SATL1: variants seen among roughly 807,000 people sequenced by gnomAD.
SATL1 encodes spermidine/spermine N1-acetyl transferase like 1.
A neutral mutation model predicts 51.8 loss-of-function variants in SATL1; 47 were observed. The observed-to-expected ratio is 0.91, with a 90% confidence interval of 0.72 to 1.16. SATL1 has a LOEUF of 1.16. Among genes scored for constraint, SATL1 ranks in the 50% most tolerant of loss-of-function variants. The probability of loss-of-function intolerance (pLI) is 0.00; values close to 1 mark genes in which losing one functional copy is unlikely to be tolerated. For missense variants in SATL1, 520 were observed against 526.4 expected (o/e 0.99, Z 0.12); for synonymous variants, 176 against 182.4 (o/e 0.97, Z 0.28).
At chrX:85,158,340 G>A (rs1926641289) in intron 2 of SATL1, among the ~76,000 whole-genome samples, 1 of 111,667 alleles carries the variant, frequency 9.0e-6, no homozygotes. Flanking sequence ...TTAGCACAAA[G>A]TAGCTTATAG....
intron 2 of SATL1, among the ~76,000 whole-genome samples, chrX:85,123,471 T>C (rs1000331072): frequency 4.5e-5 from 5 of 112,065 alleles, no homozygotes; most frequent in Non-Finnish European, 7.5e-5. Context: ...TTTTGAAAAG[T>C]GTCTGTTCAT....
chrX:85,105,884 T>C (rs112725669), intron 3 of SATL1, among the ~76,000 whole-genome samples: 2,024 of 112,000 alleles, frequency 0.018, 43 homozygotes, highest in African/African-American at 0.062. Flanking sequence ...CCACAATGAA[T>C]ACTCATTAAA....
chrX:85,208,733 C>CT (rs1339798697), intron 2 of SATL1: 2 of 111,930 alleles, frequency 1.8e-5, no homozygotes, highest in Non-Finnish European at 3.8e-5. Flanking sequence ...CCTTTGCCCA[C>CT]TTTTTGACGG....
At chrX:85,217,867 C>A (rs1009694633) in intron 2 of SATL1, among the ~76,000 whole-genome samples, 3 of 111,923 alleles carry the variant, frequency 2.7e-5, no homozygotes, top group Non-Finnish European at 5.6e-5. Flanking sequence ...TAATCAGAGG[C>A]AGTGCCTGCC....
Position 85,108,649 on chromosome X carries a change from G to A in SATL1, c.320C>T (p.Pro107Leu), listed in dbSNP as rs776430781. The A allele has an allele frequency of 2.5e-6, 3 of 1,200,411 alleles. No individual in the cohort carries two copies. Among genetic ancestry groups the A allele is most frequent in the East Asian group, 6.0e-5 (2 of 33,448 alleles). ...LVLSKAGISQ[P>L]DPSQPGPSQS... ...GCTTGGGCCTGGTTGCGATGGGTCT[G>A]GTTGGCTTATGCCTGCTTTGCTCAG... The change falls in exon 3 of 8, where the codon CCA becomes CTA. Residue 107 changes from proline (P) to leucine (L), a missense_variant. By Grantham distance (98) the Pro-to-Leu change is moderately conservative (BLOSUM62 -3). Around this residue, in one of 3 missense-constraint regions of SATL1, gnomAD observed 488 missense variants for 474.3 expected, o/e 1.03. Coordinates refer to ENST00000644105, the MANE Select transcript of SATL1 (RefSeq NM_001367857.2).
intron 2 of SATL1, among the ~76,000 whole-genome samples, chrX:85,146,358 A>G: frequency 8.9e-6 from 1 of 112,051 alleles, no homozygotes; most frequent in Middle Eastern, 4.6e-3. Context: ...TAACACAAAG[A>G]AAGGATAAAT....
chrX:85,180,050 T>A (rs1447453867), intron 2 of SATL1, among the ~76,000 whole-genome samples: 1 of 110,813 alleles, frequency 9.0e-6, no homozygotes, highest in Non-Finnish European at 1.9e-5. Flanking sequence ...CACAACATCC[T>A]CAAAACTCAT....
chrX:85,236,659 C>G (rs1204034826), intron 1 of SATL1, among the ~76,000 whole-genome samples: 1 of 111,217 alleles, frequency 9.0e-6, no homozygotes, highest in African/African-American at 3.3e-5. Flanking sequence ...TAAAAACCCT[C>G]AAAAAACTGG....
At chrX:85,140,978 C>T (rs1028482540) in intron 2 of SATL1, among the ~76,000 whole-genome samples, 1 of 111,696 alleles carries the variant, frequency 9.0e-6, no homozygotes, top group African/African-American at 3.3e-5. Flanking sequence ...CATTAGTTCA[C>T]TGAGGTTATC....
intron 2 of SATL1, among the ~76,000 whole-genome samples, chrX:85,125,261 C>G (rs888570727): frequency 9.0e-6 from 1 of 110,609 alleles, no homozygotes; most frequent in Non-Finnish European, 1.9e-5. Context: ...ATATACCTAT[C>G]TATTTAGTGA....
intron 2 of SATL1, among the ~76,000 whole-genome samples, chrX:85,149,320 C>T (rs1451577439): frequency 9.0e-6 from 1 of 111,131 alleles, no homozygotes; most frequent in Non-Finnish European, 1.9e-5. Context: ...TAAAGCAAGT[C>T]CTGAGTGACC....
At chrX:85,241,269 T>C (rs770764400) in intron 1 of SATL1, among the ~76,000 whole-genome samples, 29 of 110,552 alleles carry the variant, frequency 2.6e-4, no homozygotes, top group Admixed American at 6.8e-4. Flanking sequence ...CACTGAGGAC[T>C]ACTGGAGAGG....
At chrX:85,207,498 A>C (rs1389174207) in intron 2 of SATL1, 1 of 112,014 alleles carries the variant, frequency 8.9e-6, no homozygotes, top group African/African-American at 3.2e-5. Flanking sequence ...CCCAGCCTGC[A>C]GATGATGTTT....
intron 1 of SATL1, among the ~76,000 whole-genome samples, chrX:85,243,273 T>C (rs1255656049): frequency 8.9e-6 from 1 of 112,744 alleles, no homozygotes; most frequent in Non-Finnish European, 1.9e-5. Flanking sequence ...AGGCAAAACA[T>C]AAGACTCTTT....
intron 2 of SATL1, among the ~76,000 whole-genome samples, chrX:85,147,657 C>T (rs1416172998): frequency 3.6e-5 from 4 of 111,587 alleles, no homozygotes; most frequent in Non-Finnish European, 5.7e-5. Flanking sequence ...GGAGCATTCG[C>T]GATTCACGAA....
At chrX:85,181,254 A>G (rs1254168391) in intron 2 of SATL1, among the ~76,000 whole-genome samples, 1 of 107,895 alleles carries the variant, frequency 9.3e-6, no homozygotes, top group African/African-American at 3.4e-5. Context: ...ATTGAGAAAA[A>G]TTCATCTAAG....
At chrX:85,140,290 T>C (rs1926077677) in intron 2 of SATL1, among the ~76,000 whole-genome samples, 1 of 111,928 alleles carries the variant, frequency 8.9e-6, no homozygotes, top group Non-Finnish European at 1.9e-5. Context: ...TAAATAATAA[T>C]AGTAACCACA....
At chrX:85,095,734 G>C (rs1400717956) in intron 4 of SATL1, among the ~76,000 whole-genome samples, 1 of 100,297 alleles carries the variant, frequency 1.0e-5, no homozygotes, top group Non-Finnish European at 2.0e-5. Context: ...GCTGAGGCAG[G>C]AGAATGGCGT....
At chrX:85,203,288 G>C (rs1927724157) in intron 2 of SATL1, among the ~76,000 whole-genome samples, 1 of 111,347 alleles carries the variant, frequency 9.0e-6, no homozygotes, top group African/African-American at 3.3e-5. Context: ...ACCCAGTGAG[G>C]AAGAATGGGA....
Sources: allele counts gnomAD v4.1 joint callset (sites outside exome capture counted in the v4.1 genomes callset), GRCh38; gene constraint gnomAD v4.1.1; regional missense constraint gnomAD v4.1.1; transcripts MANE v1.5; gene names NCBI Gene and HGNC (gene_info 2026-07-23, HGNC 2026-07-21).